PLAGL1: variants seen among roughly 807,000 people sequenced by gnomAD.
The protein encoded by PLAGL1 is zinc finger protein PLAGL1.
In PLAGL1, 1 loss-of-function variant was observed where a neutral mutation model predicts 4.6. That is an observed-to-expected ratio of 0.22 (90% CI 0.08 to 1.03). PLAGL1 has a LOEUF of 1.03. Among genes scored for constraint, PLAGL1 ranks in the 50% least tolerant of loss-of-function variants. The pLI is 0.58. For synonymous variants in PLAGL1, 240 were observed against 237.8 expected, an observed-to-expected ratio of 1.01 and a Z score of -0.08; for missense variants, 464 against 570.4, an observed-to-expected ratio of 0.81 and a Z score of 1.90.
chr6:143,985,694 G>C lies in PLAGL1; in HGVS notation c.-583-520C>G, dbSNP rs1229214033. Among the ~76,000 whole-genome samples the C allele has an allele frequency of 6.6e-6, 1 of 151,806 alleles. No homozygotes were observed. The highest frequency in any genetic ancestry group is 6.6e-5 in the Admixed American group (1 of 15,238). ...ATACTTTTAGTTTTCTGCATTAAAG[G>C]TTTAGTTTAAGGAATACCTTCTCCA... is the stretch of plus-strand genomic sequence containing the variant. On this transcript the variant is annotated intron_variant, in intron 1 of 7. Transcript: ENST00000674357. This position sits in a 1 kb window ranked among gnomAD's most constrained non-coding sequence, Gnocchi z 4.4.
At position 143,990,567 on chromosome 6, in the gene PLAGL1, C is replaced by G. The variant is rs1313372702; in HGVS notation, c.-583-5393G>C. Among the ~76,000 whole-genome samples, 1 of 152,168 alleles carries G rather than the reference C, an allele frequency of 6.6e-6. No individual in the cohort carries two copies. The highest frequency in any genetic ancestry group is 1.5e-5 in the Non-Finnish European group (1 of 68,040). On this transcript the variant is annotated intron_variant, in intron 1 of 7. Transcript: ENST00000674357. The surrounding 1 kb of genome is among the most constrained non-coding windows in gnomAD (Gnocchi z 5.4). Reference sequence around the variant, plus strand: ...TCCCACTCACTTTCCAACCCATTCCCCAGGCTCTTATCTCTACCACTCTAT... The same window carrying G: ...TCCCACTCACTTTCCAACCCATTCCGCAGGCTCTTATCTCTACCACTCTAT...
intron 1 of PLAGL1, among the ~76,000 whole-genome samples, chr6:144,023,209 A>T (rs893950122): frequency 1.3e-5 from 2 of 152,214 alleles, no homozygotes; most frequent in Non-Finnish European, 2.9e-5. Context: ...AAAACAAATC[A>T]AACTCACCAG....
At position 143,990,598 on chromosome 6, in the gene PLAGL1, G is replaced by T. The variant is rs973026566; in HGVS notation, c.-583-5424C>A. ...TCTTATCTCTACCACTCTATCAAAAGATCTTTATCAAGGTCATCAAAGCAA... is the reference window on the plus strand; with the variant it reads ...TCTTATCTCTACCACTCTATCAAAATATCTTTATCAAGGTCATCAAAGCAA... On this transcript the variant is annotated intron_variant, in intron 1 of 7. Transcript: ENST00000674357. The surrounding 1 kb of genome is among the most constrained non-coding windows in gnomAD (Gnocchi z 5.4). Among the ~76,000 whole-genome samples, 2 of 152,040 alleles carry T rather than the reference G, an allele frequency of 1.3e-5. No homozygotes were observed. Among genetic ancestry groups the T allele is most frequent in the African/African-American group, 4.8e-5 (2 of 41,380 alleles).
chr6:144,054,459 G>A (rs2128727030), intron 1 of PLAGL1, among the ~76,000 whole-genome samples: 1 of 152,308 alleles, frequency 6.6e-6, no homozygotes, highest in Middle Eastern at 3.4e-3. Flanking sequence ...GGGCATGGAT[G>A]AAGCTGGAAG....
Position 143,947,890 on chromosome 6 carries a change from C to T in PLAGL1, c.152+95G>A, listed in dbSNP as rs1276153426. The T allele has an allele frequency of 1.0e-6, 1 of 983,908 alleles. No homozygotes were observed. Among genetic ancestry groups the T allele is most frequent in the East Asian group, 2.4e-5 (1 of 40,946 alleles). The allele number at this position is 983,908 out of a possible 1,614,324, so 60.9% of individuals were successfully genotyped here. ...TCAAAGGCTAAAATGCATCCATATC[C>T]TGTGTCCCTTTCCCCTTGCATCGTG... On this transcript the variant is annotated intron_variant, in intron 7 of 7. Coordinates refer to ENST00000674357, the MANE Select transcript of PLAGL1 (RefSeq NM_001317162.2). This position sits in a 1 kb window ranked among gnomAD's most constrained non-coding sequence, Gnocchi z 4.3.
chr6:144,049,852 C>A (rs1424488056), intron 1 of PLAGL1, among the ~76,000 whole-genome samples: 1 of 152,150 alleles, frequency 6.6e-6, no homozygotes, highest in Non-Finnish European at 1.5e-5. Context: ...GAAGGTGGCT[C>A]CAAAGCCAAG....
intron 1 of PLAGL1, among the ~76,000 whole-genome samples, chr6:144,047,258 G>A (rs1798234906): frequency 6.6e-6 from 1 of 152,166 alleles, no homozygotes; most frequent in South Asian, 2.1e-4. Flanking sequence ...TGGAAATGCA[G>A]AAATCACCTG....
intron 1 of PLAGL1, among the ~76,000 whole-genome samples, chr6:143,991,574 A>G (rs1014807579): frequency 1.3e-5 from 2 of 152,190 alleles, no homozygotes; most frequent in African/African-American, 2.4e-5. Context: ...CCCTTAACCC[A>G]GGTGAGTGGA....
At chr6:143,969,844 G>A (rs1352462093) in intron 2 of PLAGL1, among the ~76,000 whole-genome samples, 2 of 151,768 alleles carry the variant, frequency 1.3e-5, no homozygotes, top group African/African-American at 2.4e-5. Context: ...ACTATTATCA[G>A]CAGAGGCCTG....
At chr6:144,019,376 G>A (rs1795807088) in intron 1 of PLAGL1, among the ~76,000 whole-genome samples, 2 of 152,110 alleles carry the variant, frequency 1.3e-5, no homozygotes, top group Admixed American at 6.6e-5. Flanking sequence ...GGAGGCTGAG[G>A]CAGGATAGTT....
intron 1 of PLAGL1, among the ~76,000 whole-genome samples, chr6:144,047,046 A>G (rs1798211482): frequency 6.6e-6 from 1 of 152,186 alleles, no homozygotes; most frequent in Non-Finnish European, 1.5e-5. Context: ...TGCTAAGACC[A>G]TTGGAAAAGC....
At position 144,035,655 on chromosome 6, in the gene PLAGL1, C is replaced by T. The variant is rs979972577; in HGVS notation, c.-151+28813G>A. Among the ~76,000 whole-genome samples, 5 of 152,182 alleles carry T rather than the reference C, an allele frequency of 3.3e-5. No individual in the cohort carries two copies. The East Asian group carries it at 7.7e-4, about 23-fold the overall frequency. ...AATCAAGTTGACATTCAATATTAAC[C>T]ATCACAGGGGGCAAGAGGCTTTGTG... On this transcript the variant is annotated intron_variant, in intron 1 of 3. Transcript: ENST00000437412.
chr6:144,014,649 G>A (rs763508944), intron 1 of PLAGL1, among the ~76,000 whole-genome samples: 6 of 151,920 alleles, frequency 3.9e-5, no homozygotes, highest in Admixed American at 2.6e-4. Flanking sequence ...ACATGATCTC[G>A]GCTCACTGCA....
At chr6:143,987,750 A>G (rs143438129) in intron 1 of PLAGL1, among the ~76,000 whole-genome samples, 381 of 152,186 alleles carry the variant, frequency 2.5e-3, no homozygotes, top group Non-Finnish European at 3.8e-3. Flanking sequence ...TTTTATAAGC[A>G]TTATTATTTC....
Position 143,958,065 on chromosome 6 carries a change from C to G in PLAGL1, c.-325+2404G>C, listed in dbSNP as rs965771829. 1.3e-5 allele frequency among the ~76,000 whole-genome samples: 2 copies of G among 152,134 alleles called. No individual in the cohort carries two copies. Among genetic ancestry groups the G allele is most frequent in the Non-Finnish European group, 2.9e-5 (2 of 68,024 alleles). Reference sequence around the variant, plus strand: ...GGGCAATGTGGAACACGTGGTGCAGCCTGGCTGGGATGGGCAGGAGAGGGG... The same window carrying G: ...GGGCAATGTGGAACACGTGGTGCAGGCTGGCTGGGATGGGCAGGAGAGGGG... On this transcript the variant is annotated intron_variant, in intron 6 of 7. Transcript: ENST00000674357. This position sits in a 1 kb window ranked among gnomAD's most constrained non-coding sequence, Gnocchi z 5.1.
chr6:144,002,532 AAAAAC>A (rs1793138563), intron 1 of PLAGL1, among the ~76,000 whole-genome samples: 1 of 152,304 alleles, frequency 6.6e-6, no homozygotes, highest in Admixed American at 6.5e-5. Flanking sequence ...AAACAAAAAC[AAAAAC>A]AAATCTGCAT....
rs1785532435 is a variant in PLAGL1 at position 143,972,118 on chromosome 6, T to G, written c.-543-3140A>C. The stretch of plus-strand genomic sequence containing the variant: ...ATCAGGTTCTCCCAAAATTTAGTAT[T>G]TGCAGTTGAAACTGTGATAAGTAAT... On this transcript the variant is annotated intron_variant, in intron 2 of 7. Transcript: ENST00000674357. This position sits in a 1 kb window ranked among gnomAD's most constrained non-coding sequence, Gnocchi z 6.8. 6.6e-6 allele frequency among the ~76,000 whole-genome samples: 1 copy of G among 152,188 alleles called. No individual in the cohort carries two copies.
chr6:143,963,861 G>T lies in PLAGL1; in HGVS notation c.-399+926C>A, dbSNP rs1243042364. 6.6e-6 allele frequency among the ~76,000 whole-genome samples: 1 copy of T among 152,196 alleles called. No individual in the cohort carries two copies. Among genetic ancestry groups the T allele is most frequent in the African/African-American group, 2.4e-5 (1 of 41,460 alleles). ...ACAACTCCAGAATTTTACTTTGTTT[G>T]AATTCCCAATGATTCTCCTTTCTAG... is the stretch of plus-strand genomic sequence containing the variant. On this transcript the variant is annotated intron_variant, in intron 5 of 7. Transcript: ENST00000674357. The surrounding 1 kb of genome is among the most constrained non-coding windows in gnomAD (Gnocchi z 6.1).
intron 1 of PLAGL1, among the ~76,000 whole-genome samples, chr6:144,057,230 A>G (rs902728115): frequency 6.6e-6 from 1 of 152,258 alleles, no homozygotes. Flanking sequence ...TTTACTAAAG[A>G]GAAGACCTAT....
Sources: allele counts gnomAD v4.1 joint callset (sites outside exome capture counted in the v4.1 genomes callset), GRCh38; gene constraint gnomAD v4.1.1; non-coding constraint Gnocchi (gnomAD v3.1); transcripts MANE v1.5; gene names NCBI Gene and HGNC (gene_info 2026-07-23, HGNC 2026-07-21).